Variants in PXN observed in about 807,000 individuals in gnomAD.
PXN encodes paxillin.
A neutral mutation model predicts 103.6 loss-of-function variants in PXN; 61 were observed. The observed-to-expected ratio is 0.59, with a 90% CI of 0.48 to 0.73. The LOEUF (loss-of-function observed/expected upper bound fraction) is 0.73, where lower values mean the gene tolerates loss of function less well. Ranked by LOEUF, PXN falls within the 30% of genes least tolerant of loss-of-function variation. PXN has a pLI of 0.00. For missense variants in PXN, 1,274 were observed against 1,460.3 expected (o/e 0.87, Z 2.08); for synonymous variants, 562 against 607.8 (o/e 0.92, Z 1.11).
Position 120,213,961 on chromosome 12 carries a change from A to G in PXN, c.2860T>C (p.Cys954Arg), listed in dbSNP as rs1397457592. The change falls in exon 14 of 15, where the codon TGT becomes CGT. Residue 954 changes from cysteine (C) to arginine (R), a missense_variant. By Grantham distance (180) the Cys-to-Arg change is radical. This residue lies in a region of PXN where 1,178 missense variants were observed against 1,309.0 expected (regional missense o/e 0.90). Transcript: ENST00000637617. This position sits in a 1 kb window ranked among gnomAD's most constrained non-coding sequence, Gnocchi z 4.2. ...GFHEKDGKAYCRKDYFDMFAP... is the reference protein window; with the variant it reads ...GFHEKDGKAYRRKDYFDMFAP... ...AACATGTCGAAGTAGTCCTTGCGAC[A>G]GTAGGCCTTGCCGTCCTTCTCGTGG... 1 of 1,612,660 alleles carries G rather than the reference A, an allele frequency of 6.2e-7. No individual in the cohort carries two copies. Among genetic ancestry groups the G allele is most frequent in the Non-Finnish European group, 8.5e-7 (1 of 1,179,488 alleles).
Position 120,219,105 on chromosome 12 carries a change from C to T in PXN, c.1716+102G>A. 8.0e-7 allele frequency: 1 copy of T among 1,246,016 alleles called. No individual in the cohort carries two copies. The highest frequency in any genetic ancestry group is 1.1e-6 in the Non-Finnish European group (1 of 930,758). The allele number at this position is 1,246,016 out of a possible 1,614,324, so 77.2% of individuals were successfully genotyped here. On this transcript the variant is annotated intron_variant, in intron 7 of 14. Coordinates refer to ENST00000637617, the MANE Select transcript of PXN (RefSeq NM_001385981.1). The surrounding 1 kb of genome is among the most constrained non-coding windows in gnomAD (Gnocchi z 6.5). ...AGTGTCTCAGCATTTTCTGCCCAAG[C>T]AGACATGCGCAGAGTGGGAGGCTGC...
chr12:120,261,960 G>T (rs1400397400), intron 1 of PXN, among the ~76,000 whole-genome samples: 2 of 152,198 alleles, frequency 1.3e-5, no homozygotes, highest in East Asian at 1.9e-4. Context: ...CCAGGAGAAG[G>T]TCTGGCACTG....
intron 1 of PXN, among the ~76,000 whole-genome samples, chr12:120,250,664 A>G (rs529954353): frequency 7.2e-5 from 11 of 152,300 alleles, no homozygotes; most frequent in Admixed American, 1.3e-4. Context: ...ATTAAAAGTC[A>G]TATAACCAAA....
chr12:120,216,721 G>T lies in PXN; in HGVS notation c.1992+120C>A. 14 of 1,594,622 alleles carry T rather than the reference G, an allele frequency of 8.8e-6. No homozygotes were observed. The highest frequency in any genetic ancestry group is 1.2e-5 in the Non-Finnish European group (14 of 1,178,504). ...GGCCAGTCTTCCAAAGTCACAGGAG[G>T]CAAGAAACCCCCACCCTCTCCCCAG... On this transcript the variant is annotated intron_variant, in intron 8 of 14. Coordinates refer to ENST00000637617, the MANE Select transcript of PXN (RefSeq NM_001385981.1). The surrounding 1 kb of genome is among the most constrained non-coding windows in gnomAD (Gnocchi z 5.1).
At position 120,216,637 on chromosome 12, in the gene PXN, AGGG is replaced by A; in HGVS notation, c.1993-59_1993-57del. 6.5e-7 allele frequency: 1 copy of A among 1,545,146 alleles called. No individual in the cohort carries two copies. The highest frequency in any genetic ancestry group is 8.6e-7 in the Non-Finnish European group (1 of 1,162,954). On this transcript the variant is annotated intron_variant, in intron 8 of 14. Coordinates refer to ENST00000637617, the MANE Select transcript of PXN (RefSeq NM_001385981.1). This position sits in a 1 kb window ranked among gnomAD's most constrained non-coding sequence, Gnocchi z 5.1. ...GGAAGAAATCGCCAGCTCAGCCCAC[AGGG>A]GTGGCGGGACCTCCCCAGGCTCCCC... is the stretch of plus-strand genomic sequence containing the variant.
chr12:120,257,945 C>A (rs1893270233), intron 1 of PXN, among the ~76,000 whole-genome samples: 1 of 152,296 alleles, frequency 6.6e-6, no homozygotes, highest in East Asian at 1.9e-4. Flanking sequence ...GTAATCCCAG[C>A]ACTTTGGGAG....
intron 1 of PXN, among the ~76,000 whole-genome samples, chr12:120,241,057 G>A (rs1356461465): frequency 2.0e-5 from 3 of 152,186 alleles, no homozygotes; most frequent in African/African-American, 7.2e-5. Context: ...ACCCTCCTGG[G>A]GATCTGTGGA....
At position 120,265,545 on chromosome 12, in the gene PXN, C is replaced by G. The variant is rs1894578801; in HGVS notation, c.13+72G>C. On this transcript the variant is annotated intron_variant, in intron 1 of 14. Transcript: ENST00000637617. The surrounding 1 kb of genome is among the most constrained non-coding windows in gnomAD (Gnocchi z 5.7). Reference sequence around the variant, plus strand: ...GGGTGGGATCCCGCGGCCCCTGCCGCTCGCTGGCGCCCTCCTGGCCCCAAG... The same window carrying G: ...GGGTGGGATCCCGCGGCCCCTGCCGGTCGCTGGCGCCCTCCTGGCCCCAAG... 2 of 1,454,018 alleles carry G rather than the reference C, an allele frequency of 1.4e-6. No homozygotes were observed. The highest frequency in any genetic ancestry group is 3.0e-5 in the East Asian group (1 of 32,960). 90.1% of individuals were successfully genotyped at this position (1,454,018 alleles called of 1,614,324 possible). A position where few individuals can be genotyped will look rare whatever the true frequency, so the allele number is the denominator to read the frequency against.
chr12:120,262,449 C>G (rs535625132), intron 1 of PXN, among the ~76,000 whole-genome samples: 48 of 152,308 alleles, frequency 3.2e-4, no homozygotes, highest in African/African-American at 1.1e-3. Flanking sequence ...CACCTACCAC[C>G]TTATGATGAT....
chr12:120,232,915 G>GC (rs1295116091), intron 1 of PXN, among the ~76,000 whole-genome samples: 1 of 152,294 alleles, frequency 6.6e-6, no homozygotes, highest in Non-Finnish European at 1.5e-5. Flanking sequence ...ATTTCCCGAA[G>GC]TCAGCTCTCG....
chr12:120,224,865 C>T lies in PXN; in HGVS notation c.14-488G>A, dbSNP rs1886399318. 2 of 393,294 alleles carry T rather than the reference C, an allele frequency of 5.1e-6. No individual in the cohort carries two copies. The highest frequency in any genetic ancestry group is 3.6e-5 in the South Asian group (2 of 56,006). 24.4% of individuals were successfully genotyped at this position (393,294 alleles called of 1,614,324 possible). A position where few individuals can be genotyped will look rare whatever the true frequency, so the allele number is the denominator to read the frequency against. On this transcript the variant is annotated intron_variant, in intron 1 of 14. Transcript: ENST00000637617. The surrounding 1 kb of genome is among the most constrained non-coding windows in gnomAD (Gnocchi z 5.0). The stretch of plus-strand genomic sequence containing the variant: ...GACTGGAAGGGGCACTCAGGATGGT[C>T]CCTGCCCTCCTAACCAGGTGGAAGC...
At chr12:120,235,161 G>A (rs1566412203) in intron 1 of PXN, among the ~76,000 whole-genome samples, 1 of 152,098 alleles carries the variant, frequency 6.6e-6, no homozygotes, top group African/African-American at 2.4e-5. Flanking sequence ...TGAGAGGCCT[G>A]TGGCTTTGAA....
Position 120,216,967 on chromosome 12 carries a change from GC to G in PXN, c.1865del (p.Gly622AlafsTer21), listed in dbSNP as rs2136220144. The G allele has an allele frequency of 2.0e-6, 3 of 1,536,358 alleles. No individual in the cohort carries two copies. In the East Asian group the frequency reaches 7.3e-5, roughly 37 times the overall value. On this transcript the variant is annotated frameshift_variant, in exon 8 of 15. Transcript: ENST00000637617. LOFTEE classifies it high-confidence loss of function. The surrounding 1 kb of genome is among the most constrained non-coding windows in gnomAD (Gnocchi z 5.1). ...CCGGCTCCTCTGCCTCAGGCTGGATGCCCAGCCGCCCCTGCAGCTCCGCGAT... is the reference window on the plus strand; with the variant it reads ...CCGGCTCCTCTGCCTCAGGCTGGATGCCAGCCGCCCCTGCAGCTCCGCGAT... ...QLIAELQGRLGIQPEAEEPAE... is the reference protein window; with the variant it reads ...QLIAELQGRLXIQPEAEEPAE...
intron 1 of PXN, among the ~76,000 whole-genome samples, chr12:120,239,321 C>T (rs577300391): frequency 3.3e-5 from 5 of 152,134 alleles, no homozygotes; most frequent in Non-Finnish European, 7.4e-5. Context: ...GGGTGGCTCA[C>T]GCCTATAATC....
At position 120,228,755 on chromosome 12, in the gene PXN, G is replaced by A. The variant is rs572039721; in HGVS notation, c.14-4378C>T. Among the ~76,000 whole-genome samples the A allele has an allele frequency of 3.9e-5, 6 of 152,324 alleles. No homozygotes were observed. In the South Asian group the frequency reaches 1.2e-3, roughly 32 times the overall value. ...CATGCAGGGCTCTGGAGAACCAGAG[G>A]GGTGCACGCCCTCGCTTCCAGGGCC... On this transcript the variant is annotated intron_variant, in intron 1 of 14. Coordinates refer to ENST00000637617, the MANE Select transcript of PXN (RefSeq NM_001385981.1). This position sits in a 1 kb window ranked among gnomAD's most constrained non-coding sequence, Gnocchi z 4.7.
At chr12:120,253,440 T>C (rs1343506292) in intron 1 of PXN, among the ~76,000 whole-genome samples, 1 of 152,120 alleles carries the variant, frequency 6.6e-6, no homozygotes, top group Non-Finnish European at 1.5e-5. Flanking sequence ...GCCACTGCAC[T>C]CTAGCCTGGG....
chr12:120,222,874 C>G lies in PXN; in HGVS notation c.482G>C (p.Gly161Ala), dbSNP rs1319214518. 1 of 1,613,768 alleles carries G rather than the reference C, an allele frequency of 6.2e-7. No homozygotes were observed. Among genetic ancestry groups the G allele is most frequent in the South Asian group, 1.1e-5 (1 of 91,058 alleles). Reference protein sequence around the residue: ...ELNAVQHNPPGFPADEANSSP... With the variant: ...ELNAVQHNPPAFPADEANSSP... ...GGACCCGGTCCTACCTGCAGGGAAG[C>G]CTGGCGGGTTATGCTGTACAGCGTT... Residue 161 changes from glycine to alanine, a missense_variant, in exon 4 of 15, where the codon GGC becomes GCC. By Grantham distance (60) the Gly-to-Ala change is moderately conservative. This residue lies in a region of PXN where 1,178 missense variants were observed against 1,309.0 expected (regional missense o/e 0.90). Transcript: ENST00000637617. This position sits in a 1 kb window ranked among gnomAD's most constrained non-coding sequence, Gnocchi z 4.7.
In PXN at chr12:120,265,521, G is replaced by T. The variant is rs1214321590; in HGVS notation, c.13+96C>A. On this transcript the variant is annotated intron_variant, in intron 1 of 14. Coordinates refer to ENST00000637617, the MANE Select transcript of PXN (RefSeq NM_001385981.1). This position sits in a 1 kb window ranked among gnomAD's most constrained non-coding sequence, Gnocchi z 5.7. ...AGGAGCTGAGGCCGGGGCCGCCGAG[G>T]GTGGGATCCCGCGGCCCCTGCCGCT... is the stretch of plus-strand genomic sequence containing the variant. 7.3e-7 allele frequency: 1 copy of T among 1,362,992 alleles called. No individual in the cohort carries two copies. Among genetic ancestry groups the T allele is most frequent in the South Asian group, 1.5e-5 (1 of 68,432 alleles). 84.4% of individuals were successfully genotyped at this position (1,362,992 alleles called of 1,614,324 possible).
intron 1 of PXN, among the ~76,000 whole-genome samples, chr12:120,247,170 C>T (rs1305803088): frequency 6.6e-6 from 1 of 152,118 alleles, no homozygotes; most frequent in African/African-American, 2.4e-5. Flanking sequence ...TTATATACTC[C>T]AATTAAAAGG....
Sources: allele counts gnomAD v4.1 joint callset (sites outside exome capture counted in the v4.1 genomes callset), GRCh38; gene constraint gnomAD v4.1.1; regional missense constraint gnomAD v4.1.1; non-coding constraint Gnocchi (gnomAD v3.1); transcripts MANE v1.5; gene names NCBI Gene and HGNC (gene_info 2026-07-23, HGNC 2026-07-21).